Variants in TC2N observed in about 807,000 individuals in gnomAD.
TC2N encodes the protein tandem C2 domains nuclear protein.
In TC2N, 51 loss-of-function variants were observed where a neutral mutation model predicts 61.9. The observed-to-expected ratio is 0.82, with a 90% confidence interval of 0.66 to 1.04. The LOEUF (loss-of-function observed/expected upper bound fraction) is 1.04, where lower values mean the gene tolerates loss of function less well. Among genes scored for constraint, TC2N ranks in the 50% least tolerant of loss-of-function variants. TC2N has a pLI of 0.00. For missense variants in TC2N, 556 were observed against 566.7 expected (o/e 0.98, Z 0.19); for synonymous variants, 204 against 192.6 (o/e 1.06, Z -0.49).
chr14:91,866,919 C>A (rs1247757960), intron 1 of TC2N, among the ~76,000 whole-genome samples: 1 of 152,192 alleles, frequency 6.6e-6, no homozygotes, highest in Non-Finnish European at 1.5e-5. Context: ...CTTGACTTTG[C>A]AGTATACACT....
In TC2N at chr14:91,800,274, A is replaced by T; in HGVS notation, c.561+7T>A. On this transcript the variant is annotated splice_region_variant and intron_variant, in intron 5 of 11. Coordinates refer to ENST00000435962, the MANE Select transcript of TC2N (RefSeq NM_001128596.3). ...CACATATAATTAAATTTATGTAGAT[A>T]ATTCACCTGGATGAATCGCTGAGAT... 1 of 1,544,906 alleles carries T rather than the reference A, an allele frequency of 6.5e-7. No individual in the cohort carries two copies. The highest frequency in any genetic ancestry group is 8.8e-7 in the Non-Finnish European group (1 of 1,131,026).
At position 91,780,008 on chromosome 14, in the gene TC2N, C is replaced by T. The variant is rs903039582; in HGVS notation, c.*3092G>A. ...GAACATGGTACTTCATATGGGCCCA[C>T]TTTTCATAATTCTTTCAACTCAATG... On this transcript the variant is annotated 3_prime_UTR_variant, in exon 12 of 12. Transcript: ENST00000435962. The T allele has an allele frequency of 3.3e-5, 5 of 152,110 alleles. No individual in the cohort carries two copies. The South Asian group carries it at 8.3e-4, about 25-fold the overall frequency. The allele number at this position is 152,110 out of a possible 1,614,324, so 9.4% of individuals were successfully genotyped here. A position where few individuals can be genotyped will look rare whatever the true frequency, so the allele number is the denominator to read the frequency against.
intron 1 of TC2N, among the ~76,000 whole-genome samples, chr14:91,822,714 C>CTTTTT (rs35093902): frequency 8.0e-6 from 1 of 125,432 alleles, no homozygotes; most frequent in Non-Finnish European, 1.6e-5. Context: ...TACTCATTAT[C>CTTTTT]TTTTTTTTTT....
chr14:91,802,477 A>T, intron 3 of TC2N, 56 bp from the exon 4 acceptor site: 1 of 1,538,196 alleles, frequency 6.5e-7, no homozygotes, highest in East Asian at 2.3e-5. Context: ...GTTATTAGCC[A>T]ACAGCTGGTA....
At chr14:91,801,080 G>GTGTATATATA (rs1555369520) in intron 4 of TC2N, among the ~76,000 whole-genome samples, 44 of 111,464 alleles carry the variant, frequency 3.9e-4, no homozygotes, top group Middle Eastern at 5.0e-3. Context: ...ATGTGTGTGT[G>GTGTATATATA]TATATATATA....
At chr14:91,791,089 G>A (rs1034554909) in intron 9 of TC2N, among the ~76,000 whole-genome samples, 3 of 150,270 alleles carry the variant, frequency 2.0e-5, no homozygotes, top group Admixed American at 6.7e-5. Context: ...CTGTGATTGC[G>A]TACCATACTC....
In TC2N at chr14:91,781,271, T is replaced by C. The variant is rs1481705422; in HGVS notation, c.*1829A>G. On this transcript the variant is annotated 3_prime_UTR_variant, in exon 12 of 12. Transcript: ENST00000435962. ...TGGTACCCATTAAAATAGTTGCATT[T>C]GCAGAGGATGTTTAGGGCAGCGAAA... 1 of 152,138 alleles carries C rather than the reference T, an allele frequency of 6.6e-6. No individual in the cohort carries two copies. Among genetic ancestry groups the C allele is most frequent in the African/African-American group, 2.4e-5 (1 of 41,452 alleles). 9.4% of individuals were successfully genotyped at this position (152,138 alleles called of 1,614,324 possible). A position where few individuals can be genotyped will look rare whatever the true frequency, so the allele number is the denominator to read the frequency against.
intron 1 of TC2N, among the ~76,000 whole-genome samples, chr14:91,814,563 G>A (rs1268781114): frequency 6.6e-6 from 1 of 150,900 alleles, no homozygotes; most frequent in Non-Finnish European, 1.5e-5. Flanking sequence ...AAGAAGGATG[G>A]AGAAAGAGGT....
At chr14:91,864,872 C>T (rs1438714846) in intron 1 of TC2N, among the ~76,000 whole-genome samples, 6 of 150,870 alleles carry the variant, frequency 4.0e-5, no homozygotes, top group Non-Finnish European at 8.8e-5. Flanking sequence ...ACCTCTGCCT[C>T]CTGGGTTCAA....
chr14:91,780,098 G>A lies in TC2N; in HGVS notation c.*3002C>T, dbSNP rs190773564. On this transcript the variant is annotated 3_prime_UTR_variant, in exon 12 of 12. Coordinates refer to ENST00000435962, the MANE Select transcript of TC2N (RefSeq NM_001128596.3). ...ATAAAAATTACAGCTTATGCACCAA[G>A]ATAACATTAGAAAGTGTCTTCAGAC... 7.6e-4 allele frequency: 116 copies of A among 152,188 alleles called. No individual in the cohort carries two copies. Among genetic ancestry groups the A allele is most frequent in the African/African-American group, 2.7e-3 (111 of 41,522 alleles). 9.4% of individuals were successfully genotyped at this position (152,188 alleles called of 1,614,324 possible). A position where few individuals can be genotyped will look rare whatever the true frequency, so the allele number is the denominator to read the frequency against.
intron 1 of TC2N, among the ~76,000 whole-genome samples, chr14:91,815,226 A>C (rs1886955410): frequency 1.3e-5 from 2 of 151,566 alleles, no homozygotes; most frequent in Non-Finnish European, 3.0e-5. Flanking sequence ...TGTTCAAGCA[A>C]AAGTTAAAAG....
At chr14:91,787,459 T>G in intron 10 of TC2N, 54 bp downstream of exon 10, 1 of 1,018,272 alleles carries the variant, frequency 9.8e-7, no homozygotes, top group Non-Finnish European at 1.4e-6. Flanking sequence ...AAAAAAATAC[T>G]TTCTATTACT....
At chr14:91,844,666 C>T (rs971953496) in intron 1 of TC2N, among the ~76,000 whole-genome samples, 2 of 146,490 alleles carry the variant, frequency 1.4e-5, no homozygotes, top group Non-Finnish European at 3.0e-5. Flanking sequence ...GAGGGTGAGG[C>T]AGGAGAATCG....
intron 9 of TC2N, among the ~76,000 whole-genome samples, chr14:91,789,317 C>G (rs1288655258): frequency 6.6e-6 from 1 of 150,722 alleles, no homozygotes; most frequent in African/African-American, 2.4e-5. Flanking sequence ...AAACTATTGG[C>G]CAGGTGCGGT....
At chr14:91,865,668 A>C (rs915846358) in intron 1 of TC2N, among the ~76,000 whole-genome samples, 1 of 152,182 alleles carries the variant, frequency 6.6e-6, no homozygotes, top group Non-Finnish European at 1.5e-5. Flanking sequence ...TCCTTTCAAA[A>C]TACTTAATAA....
intron 8 of TC2N, among the ~76,000 whole-genome samples, chr14:91,794,461 G>A (rs1885805456): frequency 1.3e-5 from 2 of 152,024 alleles, no homozygotes; most frequent in African/African-American, 2.4e-5. Flanking sequence ...CTCTTGTTAG[G>A]GGCTAATGCA....
At chr14:91,792,074 G>C (rs1036978230) in intron 9 of TC2N, among the ~76,000 whole-genome samples, 2 of 151,298 alleles carry the variant, frequency 1.3e-5, no homozygotes, top group South Asian at 4.2e-4. Context: ...AGCCGAGATC[G>C]CACCACTGCA....
chr14:91,790,075 TG>T lies in TC2N; in HGVS notation c.1047+2291del, dbSNP rs565503293. Among the ~76,000 whole-genome samples the T allele has an allele frequency of 5.9e-5, 9 of 152,292 alleles. No homozygotes were observed. The South Asian group carries it at 1.9e-3, about 32-fold the overall frequency. On this transcript the variant is annotated intron_variant, in intron 9 of 11. Transcript: ENST00000435962. The stretch of plus-strand genomic sequence containing the variant: ...GTATAACCTCAGGCAAGTGTTCCCC[TG>T]ATCTCCACAAAACGGATAAAGAACA...
intron 1 of TC2N, among the ~76,000 whole-genome samples, chr14:91,845,962 G>A (rs1235826478): frequency 1.3e-5 from 2 of 152,160 alleles, no homozygotes; most frequent in African/African-American, 4.8e-5. Context: ...TTTCCAGTCA[G>A]GCCACACACA....
Sources: allele counts gnomAD v4.1 joint callset (sites outside exome capture counted in the v4.1 genomes callset), GRCh38; gene constraint gnomAD v4.1.1; transcripts MANE v1.5; gene names NCBI Gene and HGNC (gene_info 2026-07-23, HGNC 2026-07-21).